WDR59: variants seen among roughly 807,000 people sequenced by gnomAD.
WDR59 encodes WD repeat domain 59.
A neutral mutation model predicts 131.2 loss-of-function variants in WDR59; 100 were observed. The observed-to-expected ratio is 0.76, with a 90% CI of 0.65 to 0.90. The LOEUF (loss-of-function observed/expected upper bound fraction) is 0.90, where lower values mean the gene tolerates loss of function less well. Ranked by LOEUF, WDR59 falls within the 40% of genes least tolerant of loss-of-function variation. The pLI is 0.00. For synonymous variants in WDR59, 601 were observed against 466.2 expected (o/e 1.29, Z -3.72); for missense variants, 1,203 against 1,262.2 (o/e 0.95, Z 0.71).
At chr16:74,874,825 A>C (rs540470748) in intron 25 of WDR59, among the ~76,000 whole-genome samples, 1 of 152,282 alleles carries the variant, frequency 6.6e-6, no homozygotes, top group South Asian at 2.1e-4. Flanking sequence ...TCCTGACCTC[A>C]GGTGATCCAC....
At chr16:74,904,284 C>A in intron 17 of WDR59, 184 bp from the exon 18 acceptor site, 2 of 634,068 alleles carry the variant, frequency 3.2e-6, no homozygotes, top group Non-Finnish European at 5.2e-6. Flanking sequence ...TAGAATGCTT[C>A]TATGATTACA....
At chr16:74,917,804 C>T in intron 11 of WDR59, 125 bp downstream of exon 11, 1 of 716,254 alleles carries the variant, frequency 1.4e-6, no homozygotes, top group East Asian at 3.1e-5. Context: ...GTGAGACGCA[C>T]TCTCAAAAAA....
At chr16:74,940,815 C>T (rs2032159592) in intron 7 of WDR59, among the ~76,000 whole-genome samples, 2 of 152,072 alleles carry the variant, frequency 1.3e-5, no homozygotes, top group South Asian at 4.1e-4. Flanking sequence ...AAGCGATTCT[C>T]CTGCCTCAGC....
In WDR59 at chr16:74,909,666, T is replaced by C. The variant is rs751960640; in HGVS notation, c.1486-9A>G. ...GCGCTGTCTTCCTGGTTCTGAAATTTAAAAATCCACAAGCTAAAAACCACA... is the reference window on the plus strand; with the variant it reads ...GCGCTGTCTTCCTGGTTCTGAAATTCAAAAATCCACAAGCTAAAAACCACA... On this transcript the variant is annotated splice_polypyrimidine_tract_variant and intron_variant, in intron 15 of 25. Transcript: ENST00000262144. 4.4e-5 allele frequency: 68 copies of C among 1,557,406 alleles called. No homozygotes were observed. The highest frequency in any genetic ancestry group is 5.4e-5 in the Non-Finnish European group (62 of 1,154,126).
At chr16:74,888,488 T>G (rs1243021313) in intron 21 of WDR59, among the ~76,000 whole-genome samples, 169 bp from the exon 22 acceptor site, 3 of 152,224 alleles carry the variant, frequency 2.0e-5, no homozygotes, top group Non-Finnish European at 4.4e-5. Flanking sequence ...CAGTTTGACC[T>G]ACTTTGAGTT....
chr16:74,893,624 T>G, intron 19 of WDR59, 55 bp downstream of exon 19: 2 of 1,514,386 alleles, frequency 1.3e-6, no homozygotes, highest in Admixed American at 2.0e-5. Context: ...AAAAAAAAAG[T>G]TTTGCTAATC....
At position 74,981,633 on chromosome 16, in the gene WDR59, TATATATATATATATATATA is replaced by T. The variant is rs1567450584; in HGVS notation, c.54+3312_54+3330del. The stretch of plus-strand genomic sequence containing the variant: ...ATTTACATATATATATATATATATA[TATATATATATATATATATA>T]TATATATATTTTTTTTTTTTTTAGA... On this transcript the variant is annotated intron_variant, in intron 1 of 25. Coordinates refer to ENST00000262144, the MANE Select transcript of WDR59 (RefSeq NM_030581.4). Among the ~76,000 whole-genome samples, 118 of 17,564 alleles carry T rather than the reference TATATATATATATATATATA, an allele frequency of 6.7e-3. 2 individuals are homozygous for T. The highest frequency in any genetic ancestry group is 9.7e-3 in the Non-Finnish European group (80 of 8,232). 11.5% of individuals were successfully genotyped at this position (17,564 alleles called of 152,430 possible). A position where few individuals can be genotyped will look rare whatever the true frequency, so the allele number is the denominator to read the frequency against.
rs137880616 is a variant in WDR59, at chr16:74,938,252, T to C, written c.549A>G (p.Ala183=). 5.0e-5 allele frequency: 78 copies of C among 1,552,356 alleles called. No individual in the cohort carries two copies. The highest frequency in any genetic ancestry group is 6.5e-5 in the Non-Finnish European group (75 of 1,149,896). The stretch of plus-strand genomic sequence containing the variant: ...AGAGGTGGGCGGCTAGATATTCCAC[T>C]GCTGTACTGGGTTTCTGCAACAGAT... ...RIWDKRKPST[A]VEYLAAHLSK... The change falls in exon 8 of 26, where the codon GCA becomes GCG. Residue 183 remains alanine, a synonymous_variant. Transcript: ENST00000262144.
intron 11 of WDR59, among the ~76,000 whole-genome samples, 197 bp downstream of exon 11, chr16:74,917,732 C>A (rs59222071): frequency 1.3e-5 from 2 of 150,384 alleles, no homozygotes; most frequent in Non-Finnish European, 2.9e-5. Context: ...TCGCTTGAAC[C>A]CGGGAGGCAG....
chr16:74,906,218 G>T (rs892654572), intron 17 of WDR59, among the ~76,000 whole-genome samples: 4 of 150,344 alleles, frequency 2.7e-5, no homozygotes, highest in Non-Finnish European at 4.4e-5. Context: ...GGAGGCTGAG[G>T]CAGGAGAATG....
intron 8 of WDR59, among the ~76,000 whole-genome samples, chr16:74,928,081 T>G (rs999667280): frequency 6.6e-6 from 1 of 151,938 alleles, no homozygotes; most frequent in East Asian, 1.9e-4. Context: ...CTAATTTTTG[T>G]ATTTTTAGTA....
At chr16:74,947,768 G>C (rs1406553670) in intron 6 of WDR59, among the ~76,000 whole-genome samples, 1 of 151,880 alleles carries the variant, frequency 6.6e-6, no homozygotes, top group African/African-American at 2.4e-5. Flanking sequence ...AAGATATGTA[G>C]CTTCAAAATA....
intron 1 of WDR59, among the ~76,000 whole-genome samples, chr16:74,973,455 T>C (rs2034067092): frequency 6.6e-6 from 1 of 151,954 alleles, no homozygotes; most frequent in African/African-American, 2.4e-5. Flanking sequence ...CTCAGCTAAG[T>C]TTTTCATTTT....
intron 10 of WDR59, among the ~76,000 whole-genome samples, chr16:74,920,654 G>A (rs1364382716): frequency 1.3e-5 from 2 of 152,178 alleles, no homozygotes; most frequent in Admixed American, 6.5e-5. Flanking sequence ...GCCTCCCAAA[G>A]TACTGAGATT....
intron 2 of WDR59, among the ~76,000 whole-genome samples, chr16:74,958,592 C>CAAAAAAA (rs747175030): frequency 0.024 from 319 of 13,230 alleles, 84 homozygotes; most frequent in Non-Finnish European, 0.036. Flanking sequence ...GACTCCATCT[C>CAAAAAAA]AAAAAAAAAA....
At chr16:74,875,741 G>A (rs192313979) in intron 25 of WDR59, among the ~76,000 whole-genome samples, 1 of 151,978 alleles carries the variant, frequency 6.6e-6, no homozygotes, top group Non-Finnish European at 1.5e-5. Flanking sequence ...CAATTCCTTT[G>A]CCCATCTCCT....
chr16:74,950,807 C>T (rs2032948708), intron 4 of WDR59, among the ~76,000 whole-genome samples: 1 of 152,104 alleles, frequency 6.6e-6, no homozygotes, highest in South Asian at 2.1e-4. Context: ...CTCCCAGGCA[C>T]CACTGATCAT....
At chr16:74,918,972 T>C (rs2029884643) in intron 10 of WDR59, among the ~76,000 whole-genome samples, 1 of 152,180 alleles carries the variant, frequency 6.6e-6, no homozygotes, top group Non-Finnish European at 1.5e-5. Flanking sequence ...TTGTTACAAG[T>C]GCCACCATCT....
At chr16:74,950,642 C>T (rs1597784085) in intron 4 of WDR59, among the ~76,000 whole-genome samples, 1 of 152,190 alleles carries the variant, frequency 6.6e-6, no homozygotes, top group East Asian at 1.9e-4. Context: ...GAAACAGTGA[C>T]CCAGGGAAAG....
Sources: gnomAD v4.1 joint callset for allele counts (sites outside exome capture counted in the v4.1 genomes callset) on GRCh38, gnomAD v4.1.1 for gene constraint, MANE v1.5 for transcripts, NCBI Gene and HGNC (gene_info 2026-07-23, HGNC 2026-07-21) for gene names.